CDK15: variants seen among roughly 807,000 people sequenced by gnomAD.
The protein encoded by CDK15 is cyclin-dependent kinase 15.
Under a neutral mutation model 60.3 loss-of-function variants are expected in CDK15, and 62 were observed. That is an observed-to-expected ratio of 1.03 (90% CI 0.84 to 1.27). CDK15 has a LOEUF of 1.27. Ranked by LOEUF, CDK15 falls within the 50% of genes most tolerant of loss-of-function variation. The pLI is 0.00. For synonymous variants in CDK15, 194 were observed against 195.7 expected, an observed-to-expected ratio of 0.99 and a Z score of 0.07; for missense variants, 541 against 527.8, an observed-to-expected ratio of 1.03 and a Z score of -0.25.
intron 9 of CDK15, among the ~76,000 whole-genome samples, chr2:201,852,608 A>T (rs549464395): frequency 6.6e-6 from 1 of 152,364 alleles, no homozygotes; most frequent in African/African-American, 2.4e-5. Flanking sequence ...ATTCCAACAA[A>T]GGCAGATAAA....
At chr2:201,810,877 C>T (rs1321585015) in intron 3 of CDK15, among the ~76,000 whole-genome samples, 15 of 144,824 alleles carry the variant, frequency 1.0e-4, no homozygotes, top group Non-Finnish European at 2.1e-4. Flanking sequence ...TGGAGTCTCA[C>T]TCTGTCGCCC....
rs151263673 is a variant in CDK15, at chr2:201,861,912, A to C, written c.1009+6975A>C. Among the ~76,000 whole-genome samples, 15 of 152,286 alleles carry C rather than the reference A, an allele frequency of 9.8e-5. No individual in the cohort carries two copies. The East Asian group carries it at 2.9e-3, about 29-fold the overall frequency. On this transcript the variant is annotated intron_variant, in intron 10 of 13. Transcript: ENST00000652192. ...GCTGCTCAGTGACTTGCCATGGTTCAGACCCAGTGACAGGTGTGTGAGAAC... is the reference window on the plus strand; with the variant it reads ...GCTGCTCAGTGACTTGCCATGGTTCCGACCCAGTGACAGGTGTGTGAGAAC...
In CDK15 at chr2:201,806,650, T is replaced by C. The variant is rs772591512; in HGVS notation, c.-15T>C. On this transcript the variant is annotated 5_prime_UTR_variant, in exon 1 of 14. Coordinates refer to ENST00000652192, the MANE Select transcript of CDK15 (RefSeq NM_001366386.2). ...AAGGTTCAAGTGCGGGTTTTCTCCT[T>C]GAACCTACAAGATTATGGGTCAAGA... 2 of 1,575,536 alleles carry C rather than the reference T, an allele frequency of 1.3e-6. No individual in the cohort carries two copies. The highest frequency in any genetic ancestry group is 1.7e-5 in the Admixed American group (1 of 58,176).
At position 201,872,305 on chromosome 2, in the gene CDK15, G is replaced by A. The variant is rs777690518; in HGVS notation, c.1037G>A (p.Ser346Asn). Reference protein sequence around the residue: ...PEWFPLPTPRSLHVVWNRLGR... With the variant: ...PEWFPLPTPRNLHVVWNRLGR... ...TGGTTCCCACTGCCTACGCCTCGAAGCCTTCATGTTGTCTGGAACAGGTGA... is the reference window on the plus strand; with the variant it reads ...TGGTTCCCACTGCCTACGCCTCGAAACCTTCATGTTGTCTGGAACAGGTGA... Residue 346 changes from serine (S) to asparagine (N), a missense_variant, in exon 11 of 14, where the codon AGC (serine) becomes AAC (asparagine). Physicochemically the swap from Ser to Asn is conservative, Grantham distance 46. Coordinates refer to ENST00000652192, the MANE Select transcript of CDK15 (RefSeq NM_001366386.2). 16 of 1,614,042 alleles carry A rather than the reference G, an allele frequency of 9.9e-6. No homozygotes were observed. The Admixed American group carries it at 2.2e-4, about 22-fold the overall frequency.
At chr2:201,871,511 C>T (rs1698850788) in intron 10 of CDK15, among the ~76,000 whole-genome samples, 2 of 151,738 alleles carry the variant, frequency 1.3e-5, no homozygotes, top group South Asian at 4.2e-4. Flanking sequence ...TTATTCATCA[C>T]ATTTCACGCG....
chr2:201,851,304 A>G (rs970000268), intron 9 of CDK15, among the ~76,000 whole-genome samples: 8 of 150,860 alleles, frequency 5.3e-5, no homozygotes, highest in Non-Finnish European at 8.9e-5. Context: ...AAAAAAAAAA[A>G]AAAAAAAAAA....
chr2:201,846,258 T>C (rs1697657717), intron 8 of CDK15, among the ~76,000 whole-genome samples: 16 of 152,018 alleles, frequency 1.1e-4, no homozygotes, highest in Admixed American at 1.0e-3. Context: ...TTTGGGAAGC[T>C]GAGGTGGGTG....
At chr2:201,835,879 T>TACGTG in intron 8 of CDK15, 116 bp downstream of exon 8, 2 of 324,652 alleles carry the variant, frequency 6.2e-6, no homozygotes, top group Non-Finnish European at 9.0e-6. Context: ...TTTTTATATA[T>TACGTG]ATTTATATTT....
At chr2:201,866,265 T>C (rs535347560) in intron 10 of CDK15, among the ~76,000 whole-genome samples, 2 of 152,258 alleles carry the variant, frequency 1.3e-5, no homozygotes, top group South Asian at 2.1e-4. Flanking sequence ...GGCAAGACTA[T>C]AGTAACTAGA....
In CDK15 at chr2:201,870,040, CAG is replaced by C. The variant is rs376874794; in HGVS notation, c.1010-2233_1010-2232del. Among the ~76,000 whole-genome samples, 291 of 152,342 alleles carry C rather than the reference CAG, an allele frequency of 1.9e-3. 2 individuals carry two copies. Among genetic ancestry groups the C allele is most frequent in the African/African-American group, 6.8e-3 (283 of 41,574 alleles). ...CCCACCTGGGACTATAAAATGCCAG[CAG>C]AGAGGTCCACATTTGATTGCGCCTG... On this transcript the variant is annotated intron_variant, in intron 10 of 13. Transcript: ENST00000652192.
At chr2:201,847,538 C>T in intron 9 of CDK15, 64 bp downstream of exon 9, 4 of 1,398,890 alleles carry the variant, frequency 2.9e-6, no homozygotes, top group Non-Finnish European at 4.0e-6. Flanking sequence ...ACCAAATTTG[C>T]CTTACAGACA....
chr2:201,831,254 A>G (rs1396194674), intron 6 of CDK15, among the ~76,000 whole-genome samples: 4 of 152,198 alleles, frequency 2.6e-5, no homozygotes, highest in Non-Finnish European at 5.9e-5. Context: ...AGGCTTCCCT[A>G]TAAGGAGTTG....
chr2:201,872,244 T>A, intron 10 of CDK15, 34 bp from the exon 11 acceptor site: 1 of 1,611,984 alleles, frequency 6.2e-7, no homozygotes, highest in Non-Finnish European at 8.5e-7. Context: ...TTCGGGTGGA[T>A]TTTATTTTTT....
chr2:201,837,275 G>A (rs1331457460), intron 8 of CDK15, among the ~76,000 whole-genome samples: 1 of 146,968 alleles, frequency 6.8e-6, no homozygotes, highest in Non-Finnish European at 1.5e-5. Context: ...GTTACAGAGC[G>A]AGACCCCGTC....
rs541761389 is a variant in CDK15, at chr2:201,830,097, T to TG, written c.607-3750dup. Among the ~76,000 whole-genome samples, 162 of 152,222 alleles carry TG rather than the reference T, an allele frequency of 1.1e-3. 2 individuals are homozygous for TG. Among genetic ancestry groups the TG allele is most frequent in the African/African-American group, 3.5e-3 (146 of 41,534 alleles). Reference sequence around the variant, plus strand: ...TGCTGGGATTACAGGTATGAGCCACTGTGCCTGGCCTATTTTTGTTTTTTA... The same window carrying TG: ...TGCTGGGATTACAGGTATGAGCCACTGGTGCCTGGCCTATTTTTGTTTTTTA... On this transcript the variant is annotated intron_variant, in intron 6 of 13. Coordinates refer to ENST00000652192, the MANE Select transcript of CDK15 (RefSeq NM_001366386.2).
chr2:201,807,703 G>A (rs926792005), intron 2 of CDK15, 60 bp downstream of exon 2: 121 of 1,600,692 alleles, frequency 7.6e-5, no homozygotes, highest in Non-Finnish European at 9.0e-5. Context: ...TACGGAGGCC[G>A]GCCCTTGCTT....
At chr2:201,881,400 T>A (rs534937269) in intron 12 of CDK15, among the ~76,000 whole-genome samples, 1 of 152,104 alleles carries the variant, frequency 6.6e-6, no homozygotes, top group East Asian at 1.9e-4. Context: ...ACATATTGAG[T>A]GCTATAAAAA....
At position 201,894,930 on chromosome 2, in the gene CDK15, T is replaced by C. The variant is rs1333594115; in HGVS notation, c.*1663T>C. 1 of 152,218 alleles carries C rather than the reference T, an allele frequency of 6.6e-6. No homozygotes were observed. Among genetic ancestry groups the C allele is most frequent in the Non-Finnish European group, 1.5e-5 (1 of 68,034 alleles). The allele number at this position is 152,218 out of a possible 1,614,324, so 9.4% of individuals were successfully genotyped here. On this transcript the variant is annotated 3_prime_UTR_variant, in exon 14 of 14. Coordinates refer to ENST00000652192, the MANE Select transcript of CDK15 (RefSeq NM_001366386.2). ...TGACTTAAATTCTTACACTTTGGGC[T>C]ACAACTTAAAAAAGGCTATGACTTA...
intron 10 of CDK15, among the ~76,000 whole-genome samples, chr2:201,867,098 T>C (rs1271172190): frequency 1.3e-5 from 2 of 152,184 alleles, no homozygotes; most frequent in Non-Finnish European, 2.9e-5. Context: ...GCTTCCTCTC[T>C]CACATCCCTG....
Sources: gnomAD v4.1 joint callset for allele counts (sites outside exome capture counted in the v4.1 genomes callset) on GRCh38, gnomAD v4.1.1 for gene constraint, MANE v1.5 for transcripts, NCBI Gene and HGNC (gene_info 2026-07-23, HGNC 2026-07-21) for gene names.